The following COL25A1 variants were observed in gnomAD, a reference collection of about 807,000 sequenced individuals.
The protein encoded by COL25A1 is collagen alpha-1(XXV) chain.
In COL25A1, 103 loss-of-function variants were observed where a neutral mutation model predicts 128.4. That is an observed-to-expected ratio of 0.80 (90% CI 0.68 to 0.94). The LOEUF (loss-of-function observed/expected upper bound fraction) is 0.94. Among genes scored for constraint, COL25A1 ranks in the 40% least tolerant of loss-of-function variants. The probability of loss-of-function intolerance (pLI) is 0.00; values close to 1 mark genes in which losing one functional copy is unlikely to be tolerated. For synonymous variants in COL25A1, 279 were observed against 277.2 expected (o/e 1.01, Z -0.06); for missense variants, 745 against 840.0 (o/e 0.89, Z 1.40).
chr4:109,062,758 T>C (rs115615260), intron 3 of COL25A1, among the ~76,000 whole-genome samples: 3,228 of 152,304 alleles, frequency 0.021, 107 homozygotes, highest in African/African-American at 0.073. Context: ...ATATTCAGCC[T>C]CCTCATTAGA....
intron 3 of COL25A1, among the ~76,000 whole-genome samples, chr4:109,260,154 C>T (rs1781343898): frequency 6.6e-6 from 1 of 152,116 alleles, no homozygotes; most frequent in Non-Finnish European, 1.5e-5. Context: ...AATATTTTGA[C>T]GATGTTTTCT....
intron 6 of COL25A1, among the ~76,000 whole-genome samples, chr4:108,995,457 T>C (rs1388288300): frequency 6.6e-6 from 1 of 152,042 alleles, no homozygotes; most frequent in Non-Finnish European, 1.5e-5. Flanking sequence ...CTCCAGGAAA[T>C]ATGGGACTAT....
At chr4:109,111,893 A>G (rs1242254144) in intron 3 of COL25A1, among the ~76,000 whole-genome samples, 1 of 152,196 alleles carries the variant, frequency 6.6e-6, no homozygotes, top group Non-Finnish European at 1.5e-5. Context: ...GAAGGGAAAT[A>G]AAATGGTAGT....
intron 3 of COL25A1, among the ~76,000 whole-genome samples, chr4:109,261,414 G>A (rs959146110): frequency 2.0e-5 from 3 of 152,140 alleles, no homozygotes; most frequent in African/African-American, 7.2e-5. Flanking sequence ...CTACTTGGGA[G>A]GCTGAGACAC....
intron 3 of COL25A1, among the ~76,000 whole-genome samples, chr4:109,180,698 TAA>T (rs1228335845): frequency 6.6e-6 from 1 of 152,112 alleles, no homozygotes; most frequent in African/African-American, 2.4e-5. Context: ...AGATTTCCAT[TAA>T]GTTTATAAAA....
rs137871953 is a variant in COL25A1, at chr4:109,227,630, T to A, written c.367+72953A>T. Among the ~76,000 whole-genome samples the A allele has an allele frequency of 6.6e-3, 1,002 of 152,306 alleles. 9 individuals are homozygous for A. The highest frequency in any genetic ancestry group is 0.023 in the African/African-American group (961 of 41,548). On this transcript the variant is annotated intron_variant, in intron 3 of 37. Transcript: ENST00000399132. ...CTTTTAAATTTTTATCTTTCACCAT[T>A]AAGTAGCCTCATACACTTATCACAG...
In COL25A1 at chr4:108,900,579, A is replaced by G. The variant is rs191984454; in HGVS notation, c.834+540T>C. Among the ~76,000 whole-genome samples the G allele has an allele frequency of 2.5e-3, 376 of 152,236 alleles. 1 individual carries two copies. Among genetic ancestry groups the G allele is most frequent in the Non-Finnish European group, 1.7e-3 (117 of 67,998 alleles). Reference sequence around the variant, plus strand: ...TCAATTTTTTTAAGAAACAAAGAAGACTTGGAATAAAAAAATCTTCATTAC... The same window carrying G: ...TCAATTTTTTTAAGAAACAAAGAAGGCTTGGAATAAAAAAATCTTCATTAC... On this transcript the variant is annotated intron_variant, in intron 14 of 37. Coordinates refer to ENST00000399132, the MANE Select transcript of COL25A1 (RefSeq NM_198721.4).
intron 32 of COL25A1, among the ~76,000 whole-genome samples, chr4:108,831,274 T>C (rs193179406): frequency 6.5e-4 from 99 of 152,260 alleles, no homozygotes; most frequent in Non-Finnish European, 7.2e-4. Flanking sequence ...TGAAGCAAAT[T>C]AGCAAAATAG....
intron 6 of COL25A1, among the ~76,000 whole-genome samples, chr4:109,005,428 C>A (rs140887201): frequency 1.3e-5 from 2 of 152,142 alleles, no homozygotes; most frequent in African/African-American, 4.8e-5. Flanking sequence ...CCATATCAAT[C>A]CCCCAACTTA....
At chr4:108,942,061 A>G (rs1157287282) in intron 8 of COL25A1, 5 of 682,048 alleles carry the variant, frequency 7.3e-6, no homozygotes, top group Admixed American at 2.5e-5. Flanking sequence ...TTTGACCTCA[A>G]TGATGCAAGT....
At chr4:109,071,456 C>T (rs973393928) in intron 3 of COL25A1, among the ~76,000 whole-genome samples, 5 of 151,246 alleles carry the variant, frequency 3.3e-5, no homozygotes, top group South Asian at 2.1e-4. Flanking sequence ...TGGGATCTAA[C>T]TAAACTCAAG....
At position 109,016,555 on chromosome 4, in the gene COL25A1, T is replaced by C. The variant is rs118147200; in HGVS notation, c.421-6180A>G. 3.7e-4 allele frequency among the ~76,000 whole-genome samples: 56 copies of C among 152,310 alleles called. No individual in the cohort carries two copies. In the East Asian group the frequency reaches 7.9e-3, roughly 22 times the overall value. On this transcript the variant is annotated intron_variant, in intron 5 of 37. Coordinates refer to ENST00000399132, the MANE Select transcript of COL25A1 (RefSeq NM_198721.4). ...CAACCCATGGCTGCCCATGGATCAATCAGCACACACTTTCTTCCTTCTGAA... is the reference window on the plus strand; with the variant it reads ...CAACCCATGGCTGCCCATGGATCAACCAGCACACACTTTCTTCCTTCTGAA...
At chr4:109,183,923 CAA>C (rs34164987) in intron 3 of COL25A1, among the ~76,000 whole-genome samples, 49 of 105,426 alleles carry the variant, frequency 4.6e-4, no homozygotes, top group Non-Finnish European at 4.4e-4. Flanking sequence ...ACACCAACTT[CAA>C]AAAAAAAAAA....
chr4:108,969,526 A>C (rs1190729583), intron 8 of COL25A1, among the ~76,000 whole-genome samples: 2 of 152,210 alleles, frequency 1.3e-5, no homozygotes, highest in Non-Finnish European at 2.9e-5. Context: ...GAGAATAATA[A>C]ACTCATATCC....
chr4:108,821,919 C>T (rs1388455651), intron 35 of COL25A1, among the ~76,000 whole-genome samples: 1 of 151,952 alleles, frequency 6.6e-6, no homozygotes, highest in Non-Finnish European at 1.5e-5. Context: ...GGAAGCTGAA[C>T]ATGGAAATAT....
chr4:109,300,863 C>T (rs1250249831), intron 2 of COL25A1, among the ~76,000 whole-genome samples: 1 of 152,176 alleles, frequency 6.6e-6, no homozygotes, highest in African/African-American at 2.4e-5. Flanking sequence ...GATTGCTGGA[C>T]TTGTATAACA....
chr4:109,280,352 C>T (rs1054132232), intron 3 of COL25A1, among the ~76,000 whole-genome samples: 5 of 152,116 alleles, frequency 3.3e-5, no homozygotes, highest in Non-Finnish European at 7.4e-5. Flanking sequence ...ACATTCTTGC[C>T]AAAAATGTTT....
At chr4:108,900,458 G>A (rs1742700767) in intron 14 of COL25A1, among the ~76,000 whole-genome samples, 2 of 152,156 alleles carry the variant, frequency 1.3e-5, no homozygotes, top group African/African-American at 4.8e-5. Context: ...CATTAGTTTT[G>A]TACTTCAAGG....
intron 3 of COL25A1, among the ~76,000 whole-genome samples, chr4:109,248,905 T>G (rs1780462305): frequency 6.6e-6 from 1 of 152,198 alleles, no homozygotes; most frequent in South Asian, 2.1e-4. Context: ...TGATTGCTTT[T>G]CTGACATCCC....
Sources: allele counts gnomAD v4.1 joint callset (sites outside exome capture counted in the v4.1 genomes callset), GRCh38; gene constraint gnomAD v4.1.1; transcripts MANE v1.5; gene names NCBI Gene and HGNC (gene_info 2026-07-23, HGNC 2026-07-21).